Variants in TBC1D31 observed in about 807,000 individuals in gnomAD.
TBC1D31 encodes the protein WD repeat domain 67.
A neutral mutation model predicts 132.9 loss-of-function variants in TBC1D31; 99 were observed. The ratio of observed to expected loss-of-function variants is 0.74; its 90% CI spans 0.63 to 0.88. The LOEUF (loss-of-function observed/expected upper bound fraction) is 0.88. Among genes scored for constraint, TBC1D31 ranks in the 40% least tolerant of loss-of-function variants. TBC1D31 has a pLI of 0.00. For missense variants in TBC1D31, 1,134 were observed against 1,256.6 expected, an observed-to-expected ratio of 0.90 and a Z score of 1.48; for synonymous variants, 385 against 419.4, an observed-to-expected ratio of 0.92 and a Z score of 1.00.
In TBC1D31 at chr8:123,082,679, C is replaced by T. The variant is rs376046753; in HGVS notation, c.225-23C>T. On this transcript the variant is annotated intron_variant, in intron 2 of 21. Coordinates refer to ENST00000287380, the MANE Select transcript of TBC1D31 (RefSeq NM_145647.4). ...GTAATTATTGGAAGAATTTGTGATA[C>T]TAATGCAATGATCTCTTAATAGGTT... 7.4e-6 allele frequency: 11 copies of T among 1,493,466 alleles called. No homozygotes were observed. In the East Asian group the frequency reaches 1.6e-4, roughly 22 times the overall value. 92.5% of individuals were successfully genotyped at this position (1,493,466 alleles called of 1,614,324 possible). A position where few individuals can be genotyped will look rare whatever the true frequency, so the allele number is the denominator to read the frequency against.
rs1246178696 is a variant in TBC1D31 at position 123,093,605 on chromosome 8, A to G, written c.534A>G (p.Pro178=). Residue 178 remains proline, a synonymous_variant, in exon 5 of 22, where the codon CCA becomes CCG. Transcript: ENST00000287380. ...TTCCTCCTTAGGTTTTCTTTCTACC[A>G]TTAAGTAATACCATCCTCAGCTGTT... is the stretch of plus-strand genomic sequence containing the variant. The part of the protein sequence containing the change: ...SVGIQKVFFL[P]LSNTILSCFK... The G allele has an allele frequency of 6.2e-7, 1 of 1,603,694 alleles. No individual in the cohort carries two copies. The highest frequency in any genetic ancestry group is 8.5e-7 in the Non-Finnish European group (1 of 1,173,396).
the TBC1D31 span, among the ~76,000 whole-genome samples, chr8:123,162,209 TTA>T: frequency 1.3e-5 from 2 of 152,026 alleles, no homozygotes; most frequent in Non-Finnish European, 2.9e-5. Context: ...AGTACATATT[TTA>T]TGTTTGAATG....
chr8:123,105,614 C>A (rs1817850261), intron 8 of TBC1D31, 150 bp downstream of exon 8: 1 of 736,288 alleles, frequency 1.4e-6, no homozygotes, highest in Non-Finnish European at 2.0e-6. Flanking sequence ...TATGCACAGG[C>A]TGGTCTCAAT....
At position 123,105,369 on chromosome 8, in the gene TBC1D31, TCAGGGAGAGTACAGCAGC is replaced by T; in HGVS notation, c.1118_1135del (p.Gly373_Pro378del). The stretch of plus-strand genomic sequence containing the variant: ...CAGTGATCTTAAGATGAAAGTAACA[TCAGGGAGAGTACAGCAGC>T]CAGCAAAATCTAGGGAAAGCAAAAT... On this transcript the variant is annotated inframe_deletion, in exon 8 of 22. Coordinates refer to ENST00000287380, the MANE Select transcript of TBC1D31 (RefSeq NM_145647.4). The T allele has an allele frequency of 6.2e-7, 1 of 1,612,532 alleles. No homozygotes were observed. The highest frequency in any genetic ancestry group is 8.5e-7 in the Non-Finnish European group (1 of 1,179,208).
In TBC1D31 at chr8:123,077,165, A is replaced by G. The variant is rs773366056; in HGVS notation, c.132A>G (p.Arg44=). ...NTSDYHPKVL[R]FLNVAFDGTG... Reference sequence around the variant, plus strand: ...CCGATTACCATCCAAAAGTTTTGCGATTTTTGAATGTGGCTTTTGATGGCA... The same window carrying G: ...CCGATTACCATCCAAAAGTTTTGCGGTTTTTGAATGTGGCTTTTGATGGCA... Residue 44 remains arginine (R), a synonymous_variant, in exon 2 of 22, where the codon CGA becomes CGG. Coordinates refer to ENST00000287380, the MANE Select transcript of TBC1D31 (RefSeq NM_145647.4). 6.2e-7 allele frequency: 1 copy of G among 1,612,998 alleles called. No individual in the cohort carries two copies. Among genetic ancestry groups the G allele is most frequent in the Non-Finnish European group, 8.5e-7 (1 of 1,179,636 alleles).
Position 123,146,089 on chromosome 8 carries a change from C to T in TBC1D31, c.2974+1234C>T, listed in dbSNP as rs140226639. On this transcript the variant is annotated intron_variant, in intron 20 of 21. Coordinates refer to ENST00000287380, the MANE Select transcript of TBC1D31 (RefSeq NM_145647.4). ...TTCGCCATGTTGGCCATGCTGGTCT[C>T]GAACTCCTCACCTCAGGTGATCCAC... 3.0e-3 allele frequency among the ~76,000 whole-genome samples: 453 copies of T among 152,196 alleles called. 2 individuals are homozygous for T. The highest frequency in any genetic ancestry group is 0.01 in the African/African-American group (436 of 41,528).
At chr8:123,093,831 T>C (rs534882050) in intron 5 of TBC1D31, 89 bp downstream of exon 5, 6 of 954,028 alleles carry the variant, frequency 6.3e-6, no homozygotes, top group Non-Finnish European at 8.6e-6. Flanking sequence ...TTATTCAGTA[T>C]CTTTTTGTCA....
At chr8:123,076,757 T>C (rs1814556088) in intron 1 of TBC1D31, among the ~76,000 whole-genome samples, 1 of 152,244 alleles carries the variant, frequency 6.6e-6, no homozygotes, top group African/African-American at 2.4e-5. Context: ...TCACAGTTTA[T>C]AAATCTGTTT....
At chr8:123,093,402 G>T (rs1816536725) in intron 4 of TBC1D31, among the ~76,000 whole-genome samples, 189 bp from the exon 5 acceptor site, 1 of 146,610 alleles carries the variant, frequency 6.8e-6, no homozygotes, top group African/African-American at 2.5e-5. Context: ...CGTTTGAAGG[G>T]TTTTTTTTTT....
intron 19 of TBC1D31, 59 bp from the exon 20 acceptor site, chr8:123,144,656 CTG>C: frequency 6.8e-7 from 1 of 1,479,820 alleles, no homozygotes; most frequent in East Asian, 2.3e-5. Context: ...GCTCATTCCA[CTG>C]TGAAATGTGT....
downstream of TBC1D31, among the ~76,000 whole-genome samples, chr8:123,153,158 G>T (rs1021314247): frequency 1.3e-5 from 2 of 152,120 alleles, no homozygotes; most frequent in Non-Finnish European, 2.9e-5. Flanking sequence ...GCTGGTGTGT[G>T]TTTTTTGACA....
intron 4 of TBC1D31, among the ~76,000 whole-genome samples, chr8:123,089,761 A>G (rs1409692076): frequency 2.0e-5 from 3 of 152,242 alleles, no homozygotes; most frequent in Non-Finnish European, 2.9e-5. Flanking sequence ...ACATTATATT[A>G]ACAATTCAGA....
rs762134362 is a variant in TBC1D31, at chr8:123,097,330, G to A, written c.720G>A (p.Leu240=). ...GAGGCAAGTCAAATCATCTTCATTTGTGGTGCTTGGAAGCTAGGCAGCTCT... is the reference window on the plus strand; with the variant it reads ...GAGGCAAGTCAAATCATCTTCATTTATGGTGCTTGGAAGCTAGGCAGCTCT... ...AAGGKSNHLH[L]WCLEARQLFR... The change falls in exon 6 of 22, where the codon TTG becomes TTA. Residue 240 remains leucine, a synonymous_variant. Coordinates refer to ENST00000287380, the MANE Select transcript of TBC1D31 (RefSeq NM_145647.4). The A allele has an allele frequency of 3.0e-5, 49 of 1,614,012 alleles. No homozygotes were observed. In the Middle Eastern group the frequency reaches 1.5e-3, roughly 49 times the overall value.
chr8:123,126,618 G>T lies in TBC1D31; in HGVS notation c.1815G>T (p.Met605Ile). Residue 605 changes from methionine to isoleucine, a missense_variant, in exon 13 of 22, where the codon ATG becomes ATT. Coordinates refer to ENST00000287380, the MANE Select transcript of TBC1D31 (RefSeq NM_145647.4). ...IFSNHPSFLL[M>I]TVVAYNICSR... ...CCAACCATCCTTCCTTCCTTCTGAT[G>T]ACTGTTGTAGCCTACAACATATGTT... 1 of 1,613,910 alleles carries T rather than the reference G, an allele frequency of 6.2e-7. No individual in the cohort carries two copies. The highest frequency in any genetic ancestry group is 8.5e-7 in the Non-Finnish European group (1 of 1,179,910).
At chr8:123,164,889 T>A in the TBC1D31 span, among the ~76,000 whole-genome samples, 1 of 152,164 alleles carries the variant, frequency 6.6e-6, no homozygotes, top group South Asian at 2.1e-4. Context: ...CTATGTAAGA[T>A]CATATGGTAC....
chr8:123,082,511 C>G, intron 2 of TBC1D31, 191 bp from the exon 3 acceptor site: 1 of 550,982 alleles, frequency 1.8e-6, no homozygotes, highest in Non-Finnish European at 3.2e-6. Context: ...CTAACACTTA[C>G]AGTGGTTTCC....
intron 20 of TBC1D31, among the ~76,000 whole-genome samples, chr8:123,147,960 C>G (rs1822392911): frequency 2.0e-5 from 3 of 151,962 alleles, no homozygotes; most frequent in Admixed American, 1.3e-4. Context: ...ACCCCCGTCT[C>G]TACTAAAAAT....
chr8:123,161,024 G>A, the TBC1D31 span, among the ~76,000 whole-genome samples: 1 of 152,132 alleles, frequency 6.6e-6, no homozygotes, highest in African/African-American at 2.4e-5. Flanking sequence ...CCTCCCCACG[G>A]GGTCGCAGAT....
intron 10 of TBC1D31, among the ~76,000 whole-genome samples, chr8:123,111,055 C>T (rs1818388992): frequency 6.6e-6 from 1 of 152,038 alleles, no homozygotes; most frequent in Admixed American, 6.6e-5. Context: ...TTACTATAAA[C>T]TGGCAGTTAG....
Sources: gnomAD v4.1 joint callset for allele counts (sites outside exome capture counted in the v4.1 genomes callset) on GRCh38, gnomAD v4.1.1 for gene constraint, MANE v1.5 for transcripts, NCBI Gene and HGNC (gene_info 2026-07-23, HGNC 2026-07-21) for gene names.